The following MTERF1 variants were observed in gnomAD, a reference collection of about 807,000 sequenced individuals.
MTERF1 encodes transcription termination factor 1, mitochondrial.
MTERF1 carries 29 observed loss-of-function variants against 31.6 expected under a neutral mutation model. That is an observed-to-expected ratio of 0.92 (90% CI 0.68 to 1.25). MTERF1 has a LOEUF of 1.25. Among genes scored for constraint, MTERF1 ranks in the 50% most tolerant of loss-of-function variants. MTERF1 has a pLI of 0.00. For missense variants in MTERF1, 500 were observed against 469.1 expected (o/e 1.07, Z -0.61); for synonymous variants, 152 against 164.1 (o/e 0.93, Z 0.57).
At position 91,874,285 on chromosome 7, in the gene MTERF1, G is replaced by T; in HGVS notation, c.509C>A (p.Ser170Tyr). 1 of 1,613,612 alleles carries T rather than the reference G, an allele frequency of 6.2e-7. No homozygotes were observed. The highest frequency in any genetic ancestry group is 1.3e-5 in the African/African-American group (1 of 74,942). ...LERSPESFFR[S>Y]NNNLNLENNI... is the part of the protein sequence containing the mutation. ...ATTCTCTAAGTTTAGGTTGTTATTG[G>T]ACCGAAAAAAGGATTCAGGAGAACG... Residue 170 changes from serine (S) to tyrosine (Y), a missense_variant, in exon 3 of 3, where the codon TCC becomes TAC. Coordinates refer to ENST00000351870, the MANE Select transcript of MTERF1 (RefSeq NM_006980.5).
At chr7:91,876,309 T>C (rs1034710970) in intron 2 of MTERF1, among the ~76,000 whole-genome samples, 9 of 152,236 alleles carry the variant, frequency 5.9e-5, no homozygotes, top group African/African-American at 2.2e-4. Flanking sequence ...ACAGTACATA[T>C]ATATTTTTTA....
chr7:91,874,383 C>A lies in MTERF1; in HGVS notation c.411G>T (p.Glu137Asp). Residue 137 changes from glutamate to aspartate, a missense_variant, in exon 3 of 3, where the codon GAG (glutamate) becomes GAT (aspartate). Transcript: ENST00000351870. ...RYPRAITRTP[E>D]NLSKRWDLWR... is the part of the protein sequence containing the mutation. Reference sequence around the variant, plus strand: ...ACAGATCCCACCGTTTTGAAAGATTCTCGGGAGTACGTGTTATTGCTCGTG... The same window carrying A: ...ACAGATCCCACCGTTTTGAAAGATTATCGGGAGTACGTGTTATTGCTCGTG... 6.2e-7 allele frequency: 1 copy of A among 1,614,110 alleles called. No homozygotes were observed. The highest frequency in any genetic ancestry group is 8.5e-7 in the Non-Finnish European group (1 of 1,180,028).
rs1489164612 is a variant in MTERF1, at chr7:91,872,680, G to A, written c.*914C>T. 1.3e-5 allele frequency: 2 copies of A among 152,132 alleles called. No homozygotes were observed. The highest frequency in any genetic ancestry group is 2.9e-5 in the Non-Finnish European group (2 of 68,016). 9.4% of individuals were successfully genotyped at this position (152,132 alleles called of 1,614,324 possible). ...TTATTTAATTCAAAAACCACATCTA[G>A]AAAACAAATGCCTCTGGAAAACAAT... On this transcript the variant is annotated 3_prime_UTR_variant, in exon 3 of 3. Coordinates refer to ENST00000351870, the MANE Select transcript of MTERF1 (RefSeq NM_006980.5).
Position 91,873,403 on chromosome 7 carries a change from ACCT to A in MTERF1, c.*188_*190del, listed in dbSNP as rs1306149802. 1 of 572,776 alleles carries A rather than the reference ACCT, an allele frequency of 1.7e-6. No homozygotes were observed. Among genetic ancestry groups the A allele is most frequent in the Admixed American group, 3.4e-5 (1 of 29,630 alleles). The allele number at this position is 572,776 out of a possible 1,614,324, so 35.5% of individuals were successfully genotyped here. On this transcript the variant is annotated 3_prime_UTR_variant, in exon 3 of 3. Coordinates refer to ENST00000351870, the MANE Select transcript of MTERF1 (RefSeq NM_006980.5). ...GTCTTTCTTATACAGGATCACTCTGACCTCCTCTTTTGCCTCCCTCTTCAACTT... is the reference window on the plus strand; with the variant it reads ...GTCTTTCTTATACAGGATCACTCTGACCTCTTTTGCCTCCCTCTTCAACTT...
rs1292339393 is a variant in MTERF1, at chr7:91,872,605, T to A, written c.*989A>T. 6.6e-6 allele frequency: 1 copy of A among 152,208 alleles called. No individual in the cohort carries two copies. Among genetic ancestry groups the A allele is most frequent in the Non-Finnish European group, 1.5e-5 (1 of 68,036 alleles). The allele number at this position is 152,208 out of a possible 1,614,324, so 9.4% of individuals were successfully genotyped here. A position where few individuals can be genotyped will look rare whatever the true frequency, so the allele number is the denominator to read the frequency against. ...TATCAATAGTAGGAATAAGGTTTTT[T>A]GAAGTATCACTGATAGCAAATGAGG... On this transcript the variant is annotated 3_prime_UTR_variant, in exon 3 of 3. Transcript: ENST00000351870.
At chr7:91,879,493 T>C (rs1325153227) in intron 2 of MTERF1, among the ~76,000 whole-genome samples, 1 of 152,214 alleles carries the variant, frequency 6.6e-6, no homozygotes, top group South Asian at 2.1e-4. Context: ...GGGACTTTAT[T>C]TAATGAATAT....
chr7:91,877,724 C>T (rs971567873), intron 2 of MTERF1, among the ~76,000 whole-genome samples: 3 of 152,152 alleles, frequency 2.0e-5, no homozygotes, highest in East Asian at 1.9e-4. Flanking sequence ...ATCCATCACT[C>T]GAAACTGCCA....
At position 91,874,727 on chromosome 7, in the gene MTERF1, G is replaced by C; in HGVS notation, c.67C>G (p.Pro23Ala). ...TTTCTCATATGCCAGAGGTTTCCTG[G>C]TGCCATAATGGTTAGGTAGTTCAAA... ...KGLNYLTIMA[P>A]GNLWHMRNNF... is the part of the protein sequence containing the mutation. The change falls in exon 3 of 3, where the codon CCA (proline) becomes GCA (alanine). Residue 23 changes from proline (P) to alanine (A), a missense_variant. Transcript: ENST00000351870. 6.2e-7 allele frequency: 1 copy of C among 1,613,314 alleles called. No homozygotes were observed. Among genetic ancestry groups the C allele is most frequent in the Non-Finnish European group, 8.5e-7 (1 of 1,179,730 alleles).
At chr7:91,879,209 T>C (rs1326366000) in intron 2 of MTERF1, among the ~76,000 whole-genome samples, 1 of 152,034 alleles carries the variant, frequency 6.6e-6, no homozygotes, top group East Asian at 1.9e-4. Context: ...TTATTTGCTA[T>C]AACAAAGAAG....
rs1240355840 is a variant in MTERF1 at position 91,871,509 on chromosome 7, G to A, written c.*2085C>T. 6.6e-6 allele frequency: 1 copy of A among 152,076 alleles called. No homozygotes were observed. The highest frequency in any genetic ancestry group is 1.5e-5 in the Non-Finnish European group (1 of 68,026). 9.4% of individuals were successfully genotyped at this position (152,076 alleles called of 1,614,324 possible). On this transcript the variant is annotated 3_prime_UTR_variant, in exon 3 of 3. Transcript: ENST00000351870. ...CCCAATACTACTGTACCCATACAAT[G>A]GAATATTACTTGCCAAAAAAAATGA...
At chr7:91,879,193 A>G (rs1789431843) in intron 2 of MTERF1, among the ~76,000 whole-genome samples, 1 of 152,210 alleles carries the variant, frequency 6.6e-6, no homozygotes, top group South Asian at 2.1e-4. Context: ...GATGACCATC[A>G]TAACATTATT....
intron 2 of MTERF1, among the ~76,000 whole-genome samples, chr7:91,875,684 A>G (rs1789329825): frequency 6.6e-6 from 1 of 152,176 alleles, no homozygotes; most frequent in Non-Finnish European, 1.5e-5. Context: ...CTCTAAATCT[A>G]GCCCTGAAAA....
In MTERF1 at chr7:91,874,172, G is replaced by C. The variant is rs1789270106; in HGVS notation, c.622C>G (p.Leu208Val). 5 of 1,614,020 alleles carry C rather than the reference G, an allele frequency of 3.1e-6. No individual in the cohort carries two copies. The highest frequency in any genetic ancestry group is 4.2e-6 in the Non-Finnish European group (5 of 1,180,022). The change falls in exon 3 of 3, where the codon CTT becomes GTT. Residue 208 changes from leucine (L) to valine (V), a missense_variant. By Grantham distance (32) the Leu-to-Val change is conservative. Transcript: ENST00000351870. ...TCAACCATCTGTTTATTCAGATCAA[G>C]ACTATTGGAGAAGGTACGAGGGGCA... Reference protein sequence around the residue: ...TNAPRTFSNSLDLNKQMVEFL... With the variant: ...TNAPRTFSNSVDLNKQMVEFL...
chr7:91,874,830 C>T, intron 2 of MTERF1, 66 bp from the exon 3 acceptor site: 1 of 1,151,214 alleles, frequency 8.7e-7, no homozygotes, highest in Non-Finnish European at 1.2e-6. Context: ...GACCATATTA[C>T]AATCCTATAA....
rs747564258 is a variant in MTERF1, at chr7:91,874,161, A to C, written c.633T>G (p.Asn211Lys). Residue 211 changes from asparagine to lysine, a missense_variant, in exon 3 of 3, where the codon AAT becomes AAG. Transcript: ENST00000351870. Reference sequence around the variant, plus strand: ...CCTGCAAAAATTCAACCATCTGTTTATTCAGATCAAGACTATTGGAGAAGG... The same window carrying C: ...CCTGCAAAAATTCAACCATCTGTTTCTTCAGATCAAGACTATTGGAGAAGG... ...PRTFSNSLDLNKQMVEFLQAA... is the reference protein window; with the variant it reads ...PRTFSNSLDLKKQMVEFLQAA... 4 of 1,614,212 alleles carry C rather than the reference A, an allele frequency of 2.5e-6. No homozygotes were observed. Among genetic ancestry groups the C allele is most frequent in the Non-Finnish European group, 3.4e-6 (4 of 1,180,028 alleles).
intron 2 of MTERF1, among the ~76,000 whole-genome samples, chr7:91,875,642 A>G (rs1789329093): frequency 6.6e-6 from 1 of 152,110 alleles, no homozygotes; most frequent in African/African-American, 2.4e-5. Context: ...TAGATACTAG[A>G]TTTCTTTGCC....
intron 1 of MTERF1, 126 bp from the exon 2 acceptor site, chr7:91,880,239 C>A: frequency 3.0e-5 from 20 of 672,002 alleles, no homozygotes; most frequent in African/African-American, 7.3e-5. Context: ...TTACCTCTTG[C>A]AAACAACATT....
intron 2 of MTERF1, among the ~76,000 whole-genome samples, chr7:91,877,764 T>C (rs1431082350): frequency 2.0e-5 from 3 of 152,244 alleles, no homozygotes; most frequent in Non-Finnish European, 4.4e-5. Flanking sequence ...ATGATGTGAT[T>C]ATGTCCCTCA....
intron 2 of MTERF1, 128 bp from the exon 3 acceptor site, chr7:91,874,892 CTG>C: frequency 1.6e-6 from 1 of 617,804 alleles, no homozygotes; most frequent in Non-Finnish European, 2.7e-6. Flanking sequence ...CTCTCCAGAA[CTG>C]TGTTAATAAT....
Sources: gnomAD v4.1 joint callset for allele counts (sites outside exome capture counted in the v4.1 genomes callset) on GRCh38, gnomAD v4.1.1 for gene constraint, MANE v1.5 for transcripts, NCBI Gene and HGNC (gene_info 2026-07-23, HGNC 2026-07-21) for gene names.